Variants in PNPLA8 observed in about 807,000 individuals in gnomAD.
The protein encoded by PNPLA8 is calcium-independent phospholipase A2-gamma.
PNPLA8 carries 39 observed loss-of-function variants against 76.9 expected under a neutral mutation model. The ratio of observed to expected loss-of-function variants is 0.51; its 90% CI spans 0.39 to 0.66. The LOEUF (loss-of-function observed/expected upper bound fraction) is 0.66, where lower values mean the gene tolerates loss of function less well. Ranked by LOEUF, PNPLA8 falls within the 30% of genes least tolerant of loss-of-function variation. The probability of loss-of-function intolerance (pLI) is 0.00; values close to 1 mark genes in which losing one functional copy is unlikely to be tolerated. For missense variants in PNPLA8, 887 were observed against 918.0 expected (o/e 0.97, Z 0.44); for synonymous variants, 301 against 307.9 (o/e 0.98, Z 0.24).
At chr7:108,475,501 T>A (rs2154514648) in intron 10 of PNPLA8, among the ~76,000 whole-genome samples, 1 of 152,288 alleles carries the variant, frequency 6.6e-6, no homozygotes, top group Admixed American at 6.5e-5. Context: ...TGAATCTACA[T>A]ATCAATTTGT....
Position 108,514,666 on chromosome 7 carries a change from G to C in PNPLA8, c.826C>G (p.Pro276Ala). The change falls in exon 3 of 11, where the codon CCT (proline) becomes GCT (alanine). Residue 276 changes from proline to alanine, a missense_variant. Transcript: ENST00000257694. ...TTAGTTGAAACTTGAAGAACATCAG[G>C]TATCGCAGAAGGACTTGTAGGCTTG... Reference protein sequence around the residue: ...VDKPTSPSAIPDVLQVSTKQS... With the variant: ...VDKPTSPSAIADVLQVSTKQS... The C allele has an allele frequency of 6.2e-7, 1 of 1,613,846 alleles. No individual in the cohort carries two copies.
At chr7:108,519,228 T>TA (rs944533616) in intron 2 of PNPLA8, among the ~76,000 whole-genome samples, 5 of 150,984 alleles carry the variant, frequency 3.3e-5, no homozygotes, top group East Asian at 1.9e-4. Context: ...CCTTGTCTCT[T>TA]AAAAAAAAAT....
At chr7:108,524,939 A>C (rs1863979796) in intron 1 of PNPLA8, among the ~76,000 whole-genome samples, 1 of 152,190 alleles carries the variant, frequency 6.6e-6, no homozygotes, top group South Asian at 2.1e-4. Flanking sequence ...GTAAAAAAAA[A>C]CAACTCAAAG....
intron 9 of PNPLA8, 54 bp from the exon 10 acceptor site, chr7:108,479,433 C>T: frequency 8.2e-7 from 1 of 1,214,506 alleles, no homozygotes; most frequent in South Asian, 1.3e-5. Flanking sequence ...ACGGGGAAAG[C>T]TGAACTATGT....
chr7:108,511,430 C>T (rs1314372529), intron 4 of PNPLA8, among the ~76,000 whole-genome samples: 2 of 152,132 alleles, frequency 1.3e-5, no homozygotes, highest in South Asian at 2.1e-4. Context: ...CATGACATTA[C>T]CTACAATGTG....
chr7:108,522,983 AG>A (rs1207792488), intron 1 of PNPLA8, among the ~76,000 whole-genome samples: 2 of 152,354 alleles, frequency 1.3e-5, no homozygotes, highest in South Asian at 4.1e-4. Context: ...AGTAAATGCA[AG>A]GTAAGTGTTT....
chr7:108,520,570 T>A (rs1264008840), intron 2 of PNPLA8, among the ~76,000 whole-genome samples: 1 of 152,196 alleles, frequency 6.6e-6, no homozygotes, highest in African/African-American at 2.4e-5. Flanking sequence ...TGACATATTG[T>A]GTTATTTCAA....
intron 3 of PNPLA8, 45 bp downstream of exon 3, chr7:108,514,390 AT>A: frequency 1.9e-6 from 3 of 1,558,796 alleles, no homozygotes; most frequent in Non-Finnish European, 1.7e-6. Context: ...AAACTTATAA[AT>A]TTGACAAAAA....
chr7:108,470,642 G>A lies in PNPLA8; in HGVS notation c.*1759C>T, dbSNP rs1477467537. 5 of 151,776 alleles carry A rather than the reference G, an allele frequency of 3.3e-5. No homozygotes were observed. Among genetic ancestry groups the A allele is most frequent in the African/African-American group, 1.2e-4 (5 of 41,304 alleles). 9.4% of individuals were successfully genotyped at this position (151,776 alleles called of 1,614,324 possible). On this transcript the variant is annotated 3_prime_UTR_variant, in exon 11 of 11. Coordinates refer to ENST00000257694, the MANE Select transcript of PNPLA8 (RefSeq NM_001256007.3). ...GAAATATTCTGATTTCCAATTATTT[G>A]TTTTTTTCTTGCATTTACAAGTTGT... is the stretch of plus-strand genomic sequence containing the variant.
Position 108,514,622 on chromosome 7 carries a change from A to T in PNPLA8, c.870T>A (p.Phe290Leu). 5 of 1,614,102 alleles carry T rather than the reference A, an allele frequency of 3.1e-6. No individual in the cohort carries two copies. Among genetic ancestry groups the T allele is most frequent in the South Asian group, 2.2e-5 (2 of 91,076 alleles). Residue 290 changes from phenylalanine (F) to leucine (L), a missense_variant, in exon 3 of 11, where the codon TTT becomes TTA. Transcript: ENST00000257694. ...GTACACCTTCCGTGGGACGAGAAAGAAAGTTAGCAATACTTTGTTTAGTTG... is the reference window on the plus strand; with the variant it reads ...GTACACCTTCCGTGGGACGAGAAAGTAAGTTAGCAATACTTTGTTTAGTTG... ...QVSTKQSIAN[F>L]LSRPTEGVQA...
chr7:108,479,280 T>A lies in PNPLA8; in HGVS notation c.1978A>T (p.Thr660Ser). Residue 660 changes from threonine to serine, a missense_variant, in exon 10 of 11, where the codon ACT becomes TCT. Transcript: ENST00000257694. ...CTCACATCACTCTCATAACGTCCAG[T>A]GCCCAGGGATACTATGCACTCTAAC... is the stretch of plus-strand genomic sequence containing the variant. The part of the protein sequence containing the change: ...VPLECIVSLG[T>S]GRYESDVRNT... 6.2e-7 allele frequency: 1 copy of A among 1,612,802 alleles called. No individual in the cohort carries two copies. The highest frequency in any genetic ancestry group is 8.5e-7 in the Non-Finnish European group (1 of 1,178,758).
At chr7:108,491,026 C>T (rs973689735) in intron 8 of PNPLA8, among the ~76,000 whole-genome samples, 3 of 151,330 alleles carry the variant, frequency 2.0e-5, no homozygotes, top group Non-Finnish European at 2.9e-5. Flanking sequence ...CCCTCAGGGC[C>T]GGGCACGATG....
At chr7:108,501,753 G>A (rs1861963917) in intron 5 of PNPLA8, among the ~76,000 whole-genome samples, 1 of 152,132 alleles carries the variant, frequency 6.6e-6, no homozygotes, top group South Asian at 2.1e-4. Flanking sequence ...GAACTTGGGA[G>A]GCAGAGGTTG....
intron 9 of PNPLA8, among the ~76,000 whole-genome samples, chr7:108,481,439 TTG>T (rs1860389199): frequency 6.6e-6 from 1 of 152,208 alleles, no homozygotes; most frequent in South Asian, 2.1e-4. Flanking sequence ...TTGTTTTAAT[TTG>T]TGATTCTCCA....
chr7:108,501,551 G>A (rs1040721202), intron 5 of PNPLA8, among the ~76,000 whole-genome samples: 1 of 152,042 alleles, frequency 6.6e-6, no homozygotes, highest in African/African-American at 2.4e-5. Flanking sequence ...GGCTGGGCGC[G>A]GTGGCTCACG....
intron 8 of PNPLA8, among the ~76,000 whole-genome samples, chr7:108,489,746 GTTTGA>G (rs1056120074): frequency 2.1e-4 from 32 of 152,134 alleles, no homozygotes; most frequent in African/African-American, 7.7e-4. Flanking sequence ...AGCTGCACTT[GTTTGA>G]TTTTTCATGG....
chr7:108,483,996 A>C (rs933092454), intron 9 of PNPLA8, among the ~76,000 whole-genome samples: 1 of 152,240 alleles, frequency 6.6e-6, no homozygotes, highest in African/African-American at 2.4e-5. Context: ...ACTTCTAATC[A>C]AGTAGGTATT....
chr7:108,520,296 A>G (rs1043268575), intron 2 of PNPLA8, among the ~76,000 whole-genome samples: 17 of 152,204 alleles, frequency 1.1e-4, no homozygotes, highest in African/African-American at 4.1e-4. Context: ...TGCAGCCCCA[A>G]TGACACAAAA....
At chr7:108,500,116 C>A (rs1861832730) in intron 5 of PNPLA8, among the ~76,000 whole-genome samples, 1 of 152,118 alleles carries the variant, frequency 6.6e-6, no homozygotes, top group South Asian at 2.1e-4. Context: ...TGCTCACTGT[C>A]CCCAGGATCT....
Sources: gnomAD v4.1 joint callset for allele counts (sites outside exome capture counted in the v4.1 genomes callset) on GRCh38, gnomAD v4.1.1 for gene constraint, MANE v1.5 for transcripts, NCBI Gene and HGNC (gene_info 2026-07-23, HGNC 2026-07-21) for gene names.